Variants in TNIK observed in about 807,000 individuals in gnomAD.
TNIK encodes TRAF2 and NCK interacting kinase.
TNIK carries 49 observed loss-of-function variants against 191.3 expected under a neutral mutation model. The observed-to-expected ratio is 0.26, with a 90% confidence interval of 0.20 to 0.32. The LOEUF is 0.32. Ranked by LOEUF, TNIK falls within the 10% of genes least tolerant of loss-of-function variation. The pLI, the probability that TNIK is intolerant of heterozygous loss-of-function variation, is 1.00. For missense variants in TNIK, 1,155 were observed against 1,702.3 expected (o/e 0.68, Z 5.66); for synonymous variants, 594 against 600.9 (o/e 0.99, Z 0.17).
chr3:171,295,985 A>C (rs927796935), intron 2 of TNIK, among the ~76,000 whole-genome samples: 7 of 152,240 alleles, frequency 4.6e-5, no homozygotes, highest in Non-Finnish European at 7.3e-5. Context: ...TGATTGATTC[A>C]GTGTCACTGA....
chr3:171,206,335 G>GTGTATATATA (rs147263548), intron 4 of TNIK, among the ~76,000 whole-genome samples: 5 of 133,030 alleles, frequency 3.8e-5, no homozygotes, highest in Admixed American at 8.3e-5. Context: ...ATATGTTCGT[G>GTGTATATATA]TATATATATA....
intron 2 of TNIK, among the ~76,000 whole-genome samples, chr3:171,229,521 G>C (rs1004631528): frequency 1.3e-5 from 2 of 152,196 alleles, no homozygotes; most frequent in African/African-American, 4.8e-5. Context: ...TTTTTTAAAA[G>C]TTGTGGTAGA....
intron 21 of TNIK, among the ~76,000 whole-genome samples, chr3:171,104,513 A>G (rs913692637): frequency 2.0e-5 from 3 of 149,622 alleles, no homozygotes; most frequent in Non-Finnish European, 4.4e-5. Flanking sequence ...TTTTGACTAC[A>G]GAGTAAATGT....
chr3:171,444,625 A>T (rs1396863012), intron 1 of TNIK, among the ~76,000 whole-genome samples: 1 of 152,032 alleles, frequency 6.6e-6, no homozygotes, highest in African/African-American at 2.4e-5. Flanking sequence ...AACAATGCAA[A>T]GTACAGAATT....
chr3:171,140,291 A>C, intron 13 of TNIK, 108 bp downstream of exon 13: 2 of 897,686 alleles, frequency 2.2e-6, no homozygotes, highest in South Asian at 3.6e-5. Flanking sequence ...GAAGAGTAAA[A>C]ACCCATGTAA....
At chr3:171,180,846 T>A (rs1429039187) in intron 7 of TNIK, among the ~76,000 whole-genome samples, 4 of 152,232 alleles carry the variant, frequency 2.6e-5, no homozygotes, top group Non-Finnish European at 5.9e-5. Context: ...GCATTTTTAA[T>A]CCATAAAATA....
intron 8 of TNIK, among the ~76,000 whole-genome samples, chr3:171,176,211 T>C (rs745814331): frequency 2.0e-5 from 3 of 152,166 alleles, no homozygotes; most frequent in Non-Finnish European, 4.4e-5. Flanking sequence ...TGCAATATAT[T>C]ATTTTTCTGA....
At chr3:171,082,640 T>C (rs1720841148) in intron 26 of TNIK, 2 of 427,012 alleles carry the variant, frequency 4.7e-6, no homozygotes, top group South Asian at 4.5e-5. Context: ...TACTACCTAA[T>C]GCAGAGAGTC....
intron 3 of TNIK, among the ~76,000 whole-genome samples, chr3:171,227,401 A>G (rs1743089528): frequency 6.6e-6 from 1 of 152,176 alleles, no homozygotes. Flanking sequence ...TCTTAGAGCC[A>G]TCCAAGCTCC....
chr3:171,190,737 C>A lies in TNIK; in HGVS notation c.468G>T (p.Gly156=). 6.3e-7 allele frequency: 1 copy of A among 1,597,148 alleles called. No homozygotes were observed. The highest frequency in any genetic ancestry group is 8.5e-7 in the Non-Finnish European group (1 of 1,170,772). ...QHKVIHRDIK[G]QNVLLTENAE... ...CATTTTCAGTCAGCAAGACATTTTG[C>A]CCTTTAATATCTCGATGAATCACTT... Residue 156 remains glycine (G), a synonymous_variant, in exon 6 of 33, where the codon GGG becomes GGT. Transcript: ENST00000436636.
At chr3:171,114,835 G>T (rs1475675893) in intron 18 of TNIK, among the ~76,000 whole-genome samples, 4 of 152,104 alleles carry the variant, frequency 2.6e-5, no homozygotes, top group Non-Finnish European at 5.9e-5. Flanking sequence ...AATAGATTTG[G>T]ATCCATACTG....
At chr3:171,368,273 G>A (rs1716018428) in intron 2 of TNIK, among the ~76,000 whole-genome samples, 1 of 152,162 alleles carries the variant, frequency 6.6e-6, no homozygotes, top group Non-Finnish European at 1.5e-5. Flanking sequence ...AAAACCAACA[G>A]CATGCTACAG....
chr3:171,299,065 G>A (rs1752619087), intron 2 of TNIK, among the ~76,000 whole-genome samples: 1 of 152,152 alleles, frequency 6.6e-6, no homozygotes, highest in Admixed American at 6.5e-5. Context: ...AAGCAGCCTT[G>A]TGGGGAGCTC....
At chr3:171,409,281 G>A (rs1159234284) in intron 1 of TNIK, among the ~76,000 whole-genome samples, 4 of 152,134 alleles carry the variant, frequency 2.6e-5, no homozygotes, top group Non-Finnish European at 5.9e-5. Context: ...AAGAACAAAA[G>A]TTCTGTGAGT....
chr3:171,068,789 C>G, intron 30 of TNIK, 59 bp downstream of exon 30: 1 of 1,505,460 alleles, frequency 6.6e-7, no homozygotes, highest in Non-Finnish European at 8.9e-7. Flanking sequence ...AAACAAATCT[C>G]TTTCTACATG....
intron 2 of TNIK, among the ~76,000 whole-genome samples, chr3:171,287,960 C>G (rs961987211): frequency 6.6e-6 from 1 of 150,688 alleles, no homozygotes. Flanking sequence ...AAATGTGGCA[C>G]ATATACGCCA....
intron 1 of TNIK, among the ~76,000 whole-genome samples, chr3:171,452,397 CCCAGCAATACAAATTGCTGGAAGTCACCT>C (rs1487903096): frequency 6.6e-6 from 1 of 152,052 alleles, no homozygotes; most frequent in Non-Finnish European, 1.5e-5. Flanking sequence ...GAATATGCAT[CCCAGCAATACAAATTGCTGGAAGTCACCT>C]CCAGCAATTT....
At chr3:171,354,069 T>A (rs111284686) in intron 2 of TNIK, among the ~76,000 whole-genome samples, 4,979 of 151,874 alleles carry the variant, frequency 0.033, 282 homozygotes, top group African/African-American at 0.11. Flanking sequence ...GAAAAAAAAA[T>A]TTTCTTGAAC....
chr3:171,438,065 G>A (rs1381569086), intron 1 of TNIK, among the ~76,000 whole-genome samples: 1 of 152,204 alleles, frequency 6.6e-6, no homozygotes, highest in Non-Finnish European at 1.5e-5. Context: ...CCTGCACAGT[G>A]ACTTGTCGCC....
Sources: gnomAD v4.1 joint callset for allele counts (sites outside exome capture counted in the v4.1 genomes callset) on GRCh38, gnomAD v4.1.1 for gene constraint, MANE v1.5 for transcripts, NCBI Gene and HGNC (gene_info 2026-07-23, HGNC 2026-07-21) for gene names.